Variants in MGMT observed in about 807,000 individuals in gnomAD.
The protein encoded by MGMT is methylated-DNA--protein-cysteine methyltransferase.
MGMT carries 14 observed loss-of-function variants against 15.9 expected under a neutral mutation model. The ratio of observed to expected loss-of-function variants is 0.88; its 90% CI spans 0.58 to 1.37. The LOEUF (loss-of-function observed/expected upper bound fraction) is 1.37. Among genes scored for constraint, MGMT ranks in the 40% most tolerant of loss-of-function variants. MGMT has a pLI of 0.00. For synonymous variants in MGMT, 130 were observed against 118.2 expected (o/e 1.10, Z -0.65); for missense variants, 282 against 268.1 (o/e 1.05, Z -0.36).
chr10:129,605,885 A>ATT (rs570779181), intron 2 of MGMT, among the ~76,000 whole-genome samples: 86 of 147,536 alleles, frequency 5.8e-4, no homozygotes, highest in African/African-American at 1.7e-3. Context: ...AAGAACGGTG[A>ATT]TTTTTTTTTT....
At chr10:129,581,951 C>T (rs760647442) in intron 2 of MGMT, among the ~76,000 whole-genome samples, 1 of 152,308 alleles carries the variant, frequency 6.6e-6, no homozygotes, top group Middle Eastern at 3.4e-3. Context: ...GCTGCCTGGC[C>T]GGCGTCTTGT....
intron 3 of MGMT, among the ~76,000 whole-genome samples, chr10:129,711,590 TAGTC>T (rs917994717): frequency 1.3e-5 from 2 of 152,372 alleles, no homozygotes; most frequent in Admixed American, 1.3e-4. Flanking sequence ...AGTGTTGTTT[TAGTC>T]AGGTCATTTC....
intron 3 of MGMT, among the ~76,000 whole-genome samples, chr10:129,754,096 C>A (rs533972620): frequency 6.6e-6 from 1 of 152,178 alleles, no homozygotes; most frequent in Non-Finnish European, 1.5e-5. Context: ...TACAGCAGTT[C>A]TCAAAGTCTG....
intron 1 of MGMT, among the ~76,000 whole-genome samples, chr10:129,488,705 A>G (rs562039504): frequency 4.6e-5 from 7 of 152,208 alleles, no homozygotes; most frequent in Non-Finnish European, 1.0e-4. Flanking sequence ...CTTTTCATAT[A>G]CAAGTCTGCA....
chr10:129,573,868 C>T lies in MGMT; in HGVS notation c.125+37491C>T, dbSNP rs989434069. Among the ~76,000 whole-genome samples, 214 of 152,068 alleles carry T rather than the reference C, an allele frequency of 1.4e-3. 3 individuals carry two copies. Among genetic ancestry groups the T allele is most frequent in the Non-Finnish European group, 7.1e-4 (48 of 67,990 alleles). ...TGTTATAAAATTATTCTAAGATCAC[C>T]GAATGGAGAATACTTAGATTCTAAA... On this transcript the variant is annotated intron_variant, in intron 2 of 4. Transcript: ENST00000651593.
chr10:129,560,575 C>T (rs749977434), intron 2 of MGMT, among the ~76,000 whole-genome samples: 24 of 152,364 alleles, frequency 1.6e-4, no homozygotes, highest in Admixed American at 1.0e-3. Context: ...CGTTCTTTTG[C>T]TGTTGGTTAC....
intron 2 of MGMT, among the ~76,000 whole-genome samples, chr10:129,621,392 G>A (rs144004501): frequency 5.6e-4 from 86 of 152,234 alleles, no homozygotes; most frequent in African/African-American, 1.9e-3. Context: ...GTCATTTGTC[G>A]AGAAATAATC....
chr10:129,728,861 G>A (rs1254412634), intron 3 of MGMT, among the ~76,000 whole-genome samples: 6 of 152,078 alleles, frequency 3.9e-5, no homozygotes, highest in South Asian at 2.1e-4. Context: ...AGGTCAGCAC[G>A]AGGTAGCTGC....
intron 2 of MGMT, among the ~76,000 whole-genome samples, chr10:129,606,511 C>T (rs767635879): frequency 6.6e-6 from 1 of 152,128 alleles, no homozygotes; most frequent in Non-Finnish European, 1.5e-5. Context: ...CCTCCGCACC[C>T]GGCGCTAGGC....
At chr10:129,582,708 T>G (rs947394479) in intron 2 of MGMT, among the ~76,000 whole-genome samples, 1 of 152,026 alleles carries the variant, frequency 6.6e-6, no homozygotes, top group African/African-American at 2.4e-5. Context: ...TCCCCGGCAG[T>G]TTCCCCCTTC....
intron 1 of MGMT, among the ~76,000 whole-genome samples, chr10:129,503,290 C>T (rs1053352929): frequency 2.0e-5 from 3 of 152,072 alleles, no homozygotes; most frequent in Non-Finnish European, 4.4e-5. Flanking sequence ...TGCCACTTCC[C>T]GAGATAAAGC....
intron 2 of MGMT, among the ~76,000 whole-genome samples, chr10:129,564,952 T>C (rs958543993): frequency 6.6e-6 from 1 of 152,022 alleles, no homozygotes; most frequent in African/African-American, 2.4e-5. Context: ...GATGGCGCCA[T>C]AAACAGGCTG....
At chr10:129,674,849 G>A (rs1047820153) in intron 2 of MGMT, among the ~76,000 whole-genome samples, 1 of 152,206 alleles carries the variant, frequency 6.6e-6, no homozygotes, top group African/African-American at 2.4e-5. Context: ...GAGAGATGAA[G>A]ATGTGGCCTC....
At chr10:129,535,887 A>G (rs1654748120) in intron 1 of MGMT, among the ~76,000 whole-genome samples, 1 of 152,220 alleles carries the variant, frequency 6.6e-6, no homozygotes, top group Admixed American at 6.5e-5. Flanking sequence ...TGTTTTATTA[A>G]TTGTTTTAGT....
intron 3 of MGMT, among the ~76,000 whole-genome samples, chr10:129,737,071 C>G (rs1353783207): frequency 3.3e-5 from 5 of 151,998 alleles, no homozygotes; most frequent in Admixed American, 6.6e-5. Flanking sequence ...ATCTTTGTGG[C>G]ATTCTCTGTA....
intron 2 of MGMT, among the ~76,000 whole-genome samples, chr10:129,549,642 G>A (rs1320304432): frequency 6.6e-6 from 1 of 152,054 alleles, no homozygotes; most frequent in Non-Finnish European, 1.5e-5. Flanking sequence ...CTTGCATGAA[G>A]CGTCATCTGT....
At chr10:129,491,893 C>A (rs912199574) in intron 1 of MGMT, among the ~76,000 whole-genome samples, 1 of 152,100 alleles carries the variant, frequency 6.6e-6, no homozygotes, top group African/African-American at 2.4e-5. Context: ...TTATTTTACA[C>A]TTCTTATCTG....
intron 2 of MGMT, among the ~76,000 whole-genome samples, chr10:129,635,070 G>T (rs1248597762): frequency 6.6e-6 from 1 of 152,162 alleles, no homozygotes; most frequent in African/African-American, 2.4e-5. Context: ...CCCCTTTTCA[G>T]CTCGCCCCGG....
chr10:129,748,136 G>C (rs1483932388), intron 3 of MGMT, among the ~76,000 whole-genome samples: 1 of 152,152 alleles, frequency 6.6e-6, no homozygotes, highest in Non-Finnish European at 1.5e-5. Flanking sequence ...CTTAGGAATG[G>C]GGAGTTACGC....
Sources: allele counts gnomAD v4.1 joint callset (sites outside exome capture counted in the v4.1 genomes callset), GRCh38; gene constraint gnomAD v4.1.1; transcripts MANE v1.5; gene names NCBI Gene and HGNC (gene_info 2026-07-23, HGNC 2026-07-21).